Variants in GPR158 observed in about 807,000 individuals in gnomAD.
The protein encoded by GPR158 is G protein-coupled receptor 158, also known as metabotropic glycine receptor.
A neutral mutation model predicts 78.2 loss-of-function variants in GPR158; 30 were observed. That is an observed-to-expected ratio of 0.38 (90% confidence interval 0.29 to 0.52). The LOEUF (loss-of-function observed/expected upper bound fraction) is 0.52, where lower values mean the gene tolerates loss of function less well. GPR158 is among the 20% of genes least tolerant of loss of function. The pLI is 0.83. For missense variants in GPR158, 1,463 were observed against 1,523.5 expected (o/e 0.96, Z 0.66); for synonymous variants, 581 against 591.1 (o/e 0.98, Z 0.25).
At chr10:25,280,847 C>G (rs1017376903) in intron 2 of GPR158, among the ~76,000 whole-genome samples, 2 of 152,018 alleles carry the variant, frequency 1.3e-5, no homozygotes, top group African/African-American at 2.4e-5. Context: ...AGTTAAATTA[C>G]TCATCAGGTT....
intron 4 of GPR158, among the ~76,000 whole-genome samples, chr10:25,434,182 A>T (rs752358915): frequency 6.6e-6 from 1 of 151,948 alleles, no homozygotes; most frequent in Non-Finnish European, 1.5e-5. Flanking sequence ...CAAACAAACA[A>T]AAAGAAATCA....
intron 6 of GPR158, among the ~76,000 whole-genome samples, chr10:25,559,008 C>A (rs11014606): frequency 0.012 from 1,833 of 152,222 alleles, 13 homozygotes; most frequent in Admixed American, 0.02. Flanking sequence ...TCTTCGATAT[C>A]CCTACTCATT....
At chr10:25,485,555 A>T (rs1564468625) in intron 5 of GPR158, among the ~76,000 whole-genome samples, 1 of 152,100 alleles carries the variant, frequency 6.6e-6, no homozygotes. Flanking sequence ...GTCTCAATTT[A>T]TGTGTTTAGT....
intron 2 of GPR158, among the ~76,000 whole-genome samples, chr10:25,362,600 T>A (rs958171792): frequency 2.0e-5 from 3 of 151,968 alleles, no homozygotes; most frequent in Non-Finnish European, 2.9e-5. Flanking sequence ...TTTTCATTTA[T>A]CTGTATCTTC....
intron 2 of GPR158, among the ~76,000 whole-genome samples, chr10:25,243,615 C>T (rs1853653744): frequency 6.6e-6 from 1 of 152,086 alleles, no homozygotes; most frequent in Admixed American, 6.5e-5. Flanking sequence ...AGGAACATTC[C>T]CTTAATATAA....
At chr10:25,223,261 A>G (rs1054431074) in intron 2 of GPR158, among the ~76,000 whole-genome samples, 1 of 152,200 alleles carries the variant, frequency 6.6e-6, no homozygotes, top group Non-Finnish European at 1.5e-5. Flanking sequence ...TATCAAAACA[A>G]TGGATCTACA....
intron 6 of GPR158, among the ~76,000 whole-genome samples, chr10:25,556,244 C>G (rs1836784860): frequency 6.6e-6 from 1 of 152,170 alleles, no homozygotes; most frequent in Non-Finnish European, 1.5e-5. Flanking sequence ...GAAGATTCCT[C>G]TAATAAAAGT....
chr10:25,237,194 T>G (rs1853537414), intron 2 of GPR158, among the ~76,000 whole-genome samples: 1 of 152,198 alleles, frequency 6.6e-6, no homozygotes. Flanking sequence ...TAAGAAAGAT[T>G]TAGATGAATT....
chr10:25,266,210 C>A (rs143357189), intron 2 of GPR158, among the ~76,000 whole-genome samples: 54 of 152,276 alleles, frequency 3.5e-4, no homozygotes, highest in African/African-American at 1.3e-3. Flanking sequence ...AACTGGGTTT[C>A]TTTCTTTCAG....
chr10:25,292,965 T>C (rs541832212), intron 2 of GPR158, among the ~76,000 whole-genome samples: 1 of 151,548 alleles, frequency 6.6e-6, no homozygotes, highest in Admixed American at 6.6e-5. Context: ...TCACAGGGAG[T>C]TGGATGTGAT....
intron 2 of GPR158, among the ~76,000 whole-genome samples, chr10:25,350,233 T>C (rs1855440271): frequency 6.6e-6 from 1 of 151,970 alleles, no homozygotes; most frequent in Admixed American, 6.6e-5. Flanking sequence ...TTAGTGACTA[T>C]GTATTGTGAA....
intron 5 of GPR158, among the ~76,000 whole-genome samples, chr10:25,521,933 G>T (rs1449320253): frequency 6.6e-6 from 1 of 152,182 alleles, no homozygotes; most frequent in African/African-American, 2.4e-5. Flanking sequence ...CAGAGTTGAG[G>T]CACTGTGGGT....
chr10:25,267,190 A>G (rs1227056702), intron 2 of GPR158, among the ~76,000 whole-genome samples: 5 of 152,178 alleles, frequency 3.3e-5, no homozygotes, highest in African/African-American at 1.2e-4. Context: ...TGCTGCTAAT[A>G]AAGACATACC....
intron 5 of GPR158, among the ~76,000 whole-genome samples, chr10:25,522,259 C>T (rs193009056): frequency 2.0e-5 from 3 of 152,308 alleles, no homozygotes; most frequent in Middle Eastern, 3.4e-3. Flanking sequence ...TTTAGATCCA[C>T]GTTTTCAGCT....
At chr10:25,570,423 C>T (rs1836989419) in intron 6 of GPR158, among the ~76,000 whole-genome samples, 1 of 152,170 alleles carries the variant, frequency 6.6e-6, no homozygotes, top group African/African-American at 2.4e-5. Flanking sequence ...TCATTGTTCT[C>T]TCTATAGCAT....
At chr10:25,587,430 T>C (rs1267190551) in intron 7 of GPR158, among the ~76,000 whole-genome samples, 1 of 152,138 alleles carries the variant, frequency 6.6e-6, no homozygotes, top group Non-Finnish European at 1.5e-5. Context: ...TAGGCAAAGA[T>C]TGTTATTGTG....
chr10:25,276,224 CT>C (rs1219203295), intron 2 of GPR158, among the ~76,000 whole-genome samples: 1 of 152,104 alleles, frequency 6.6e-6, no homozygotes, highest in African/African-American at 2.4e-5. Context: ...AGTGTGAATT[CT>C]GTTGATTAAA....
At chr10:25,373,879 A>G (rs562049740) in intron 2 of GPR158, among the ~76,000 whole-genome samples, 1 of 151,900 alleles carries the variant, frequency 6.6e-6, no homozygotes, top group East Asian at 1.9e-4. Flanking sequence ...CAATTTATAC[A>G]CTTGAAAAGA....
At chr10:25,234,172 T>G (rs1456981907) in intron 2 of GPR158, among the ~76,000 whole-genome samples, 1 of 152,190 alleles carries the variant, frequency 6.6e-6, no homozygotes, top group Non-Finnish European at 1.5e-5. Flanking sequence ...ATTTCTGACC[T>G]TAATTCCACT....
Sources: gnomAD v4.1 joint callset for allele counts (sites outside exome capture counted in the v4.1 genomes callset) on GRCh38, gnomAD v4.1.1 for gene constraint, MANE v1.5 for transcripts, NCBI Gene and HGNC (gene_info 2026-07-23, HGNC 2026-07-21) for gene names.